The following EHMT1 variants were observed in gnomAD, a reference collection of about 807,000 sequenced individuals.
EHMT1 encodes euchromatic histone lysine methyltransferase 1.
Under a neutral mutation model 147.2 loss-of-function variants are expected in EHMT1, and 15 were observed. That is an observed-to-expected ratio of 0.10 (90% CI 0.07 to 0.16). The LOEUF is 0.16. EHMT1 is among the 10% of genes least tolerant of loss of function. EHMT1 has a pLI of 1.00. For synonymous variants in EHMT1, 795 were observed against 709.6 expected, an observed-to-expected ratio of 1.12 and a Z score of -1.91; for missense variants, 1,587 against 1,772.4, an observed-to-expected ratio of 0.90 and a Z score of 1.88.
At chr9:137,647,712 A>C (rs1054922240) in intron 1 of EHMT1, among the ~76,000 whole-genome samples, 1 of 149,924 alleles carries the variant, frequency 6.7e-6, no homozygotes, top group Non-Finnish European at 1.5e-5. Flanking sequence ...CTCCTGTCTC[A>C]GCCTTCCGAG....
chr9:137,758,656 C>T (rs1371941645), intron 9 of EHMT1, among the ~76,000 whole-genome samples: 1 of 152,168 alleles, frequency 6.6e-6, no homozygotes, highest in Admixed American at 6.5e-5. Flanking sequence ...AAATGCAAAT[C>T]TTATTTACAT....
intron 1 of EHMT1, among the ~76,000 whole-genome samples, chr9:137,663,181 G>T (rs2134109370): frequency 6.6e-6 from 1 of 152,186 alleles, no homozygotes; most frequent in Non-Finnish European, 1.5e-5. Context: ...AATTTATTTT[G>T]TTATTCATTT....
chr9:137,737,198 T>C (rs1947613976), intron 4 of EHMT1, among the ~76,000 whole-genome samples: 1 of 152,004 alleles, frequency 6.6e-6, no homozygotes, highest in South Asian at 2.1e-4. Context: ...GGTGACAGAG[T>C]GAGACACTGT....
intron 9 of EHMT1, among the ~76,000 whole-genome samples, chr9:137,761,670 G>C (rs1160851545): frequency 6.6e-6 from 1 of 152,016 alleles, no homozygotes; most frequent in South Asian, 2.1e-4. Context: ...TGTTGTCCAG[G>C]AGGGTCTCGA....
chr9:137,738,874 G>T (rs1947798537), intron 4 of EHMT1: 1 of 152,310 alleles, frequency 6.6e-6, no homozygotes, highest in Admixed American at 6.5e-5. Flanking sequence ...AGTAGAAGGG[G>T]CTGGAGTCTG....
intron 1 of EHMT1, among the ~76,000 whole-genome samples, chr9:137,708,899 G>A (rs1226346488): frequency 6.6e-6 from 1 of 152,200 alleles, no homozygotes; most frequent in African/African-American, 2.4e-5. Context: ...GAAAGCTTCG[G>A]GTTCCACGCA....
In EHMT1 at chr9:137,762,528, A is replaced by G. The variant is rs4876941; in HGVS notation, c.1502-147A>G. The G allele has an allele frequency of 0.32, 440,844 of 1,397,724 alleles. 72,078 individuals are homozygous for G. The highest frequency in any genetic ancestry group is 0.48 in the Admixed American group (24,150 of 50,692). 86.6% of individuals were successfully genotyped at this position (1,397,724 alleles called of 1,614,324 possible). A position where few individuals can be genotyped will look rare whatever the true frequency, so the allele number is the denominator to read the frequency against. On this transcript the variant is annotated intron_variant, in intron 9 of 26. Transcript: ENST00000460843. ...CCCAGGTGGTGGCCATCCCCGCCCC[A>G]CGCAGGGCTGTTTGTGCTGGGTAAT...
intron 1 of EHMT1, among the ~76,000 whole-genome samples, chr9:137,660,454 TG>T (rs1237136262): frequency 1.3e-5 from 2 of 152,116 alleles, no homozygotes; most frequent in Non-Finnish European, 1.5e-5. Flanking sequence ...TTCAAATGTG[TG>T]GGGGTTTCTG....
chr9:137,716,554 G>C, intron 2 of EHMT1, 72 bp from the exon 3 acceptor site: 1 of 1,443,138 alleles, frequency 6.9e-7, no homozygotes, highest in East Asian at 2.3e-5. Context: ...TGGTGGGGGA[G>C]GAAGTGGTGG....
At chr9:137,752,522 G>A (rs1263905336) in intron 7 of EHMT1, 114 bp downstream of exon 7, 1 of 1,252,096 alleles carries the variant, frequency 8.0e-7, no homozygotes, top group Non-Finnish European at 1.1e-6. Context: ...TCACCCATGT[G>A]CTTGGAGCTG....
Position 137,786,162 on chromosome 9 carries a change from A to C in EHMT1, c.2382+3765A>C, listed in dbSNP as rs1353425399. The C allele has an allele frequency of 6.6e-6, 1 of 152,284 alleles. No individual in the cohort carries two copies. The highest frequency in any genetic ancestry group is 1.5e-5 in the Non-Finnish European group (1 of 68,070). The allele number at this position is 152,284 out of a possible 1,614,324, so 9.4% of individuals were successfully genotyped here. On this transcript the variant is annotated intron_variant, in intron 15 of 26. Transcript: ENST00000460843. The surrounding 1 kb of genome is among the most constrained non-coding windows in gnomAD (Gnocchi z 4.3). ...CTTGTGAGTTTAGTGCCGTGAAATA[A>C]CATGATGTATTGGGAGGAAATCATT...
chr9:137,828,211 G>A lies in EHMT1; in HGVS notation c.3541-6138G>A, dbSNP rs1405398098. On this transcript the variant is annotated intron_variant, in intron 25 of 26. Coordinates refer to ENST00000460843, the MANE Select transcript of EHMT1 (RefSeq NM_024757.5). This position sits in a 1 kb window ranked among gnomAD's most constrained non-coding sequence, Gnocchi z 5.3. The stretch of plus-strand genomic sequence containing the variant: ...TGCTGGCGGGCATCAGGGAAGTCCC[G>A]GTGACAAGGGGCATCAGCAGGGGTC... 4.6e-5 allele frequency among the ~76,000 whole-genome samples: 7 copies of A among 152,038 alleles called. No homozygotes were observed. The highest frequency in any genetic ancestry group is 4.6e-4 in the Admixed American group (7 of 15,276).
intron 15 of EHMT1, among the ~76,000 whole-genome samples, chr9:137,789,773 A>G (rs994961034): frequency 6.6e-6 from 1 of 152,200 alleles, no homozygotes; most frequent in Non-Finnish European, 1.5e-5. Context: ...TTTGTTGCCC[A>G]GGCTGGAGTG....
Position 137,828,168 on chromosome 9 carries a change from C to A in EHMT1, c.3541-6181C>A, listed in dbSNP as rs1337301070. Among the ~76,000 whole-genome samples, 1 of 152,164 alleles carries A rather than the reference C, an allele frequency of 6.6e-6. No individual in the cohort carries two copies. The highest frequency in any genetic ancestry group is 1.5e-5 in the Non-Finnish European group (1 of 68,012). Reference sequence around the variant, plus strand: ...GGGCTACAGCCTGTGCTGTGACCATCCACAGGCCCCAGGGGGGTGCTGGCG... The same window carrying A: ...GGGCTACAGCCTGTGCTGTGACCATACACAGGCCCCAGGGGGGTGCTGGCG... On this transcript the variant is annotated intron_variant, in intron 25 of 26. Coordinates refer to ENST00000460843, the MANE Select transcript of EHMT1 (RefSeq NM_024757.5). This position sits in a 1 kb window ranked among gnomAD's most constrained non-coding sequence, Gnocchi z 5.3.
chr9:137,813,077 G>A lies in EHMT1; in HGVS notation c.2939G>A (p.Ser980Asn). Residue 980 changes from serine to asparagine, a missense_variant, in exon 20 of 27, where the codon AGC becomes AAC. By Grantham distance (46) the Ser-to-Asn change is conservative. Around this residue, in one of 7 missense-constraint regions of EHMT1, gnomAD observed 78 missense variants for 68.9 expected, o/e 1.13. Coordinates refer to ENST00000460843, the MANE Select transcript of EHMT1 (RefSeq NM_024757.5). This position sits in a 1 kb window ranked among gnomAD's most constrained non-coding sequence, Gnocchi z 4.9. ...KEGETPLQCA[S>N]LNSQVWSALQ... ...GGAGAGACGCCCCTGCAGTGTGCGA[G>A]CCTCAACTCTCAGGTGTGGAGCGCT... 6.2e-7 allele frequency: 1 copy of A among 1,613,840 alleles called. No individual in the cohort carries two copies. Among genetic ancestry groups the A allele is most frequent in the South Asian group, 1.1e-5 (1 of 91,086 alleles).
chr9:137,691,670 G>T (rs1942947057), intron 1 of EHMT1, among the ~76,000 whole-genome samples: 1 of 152,094 alleles, frequency 6.6e-6, no homozygotes, highest in South Asian at 2.1e-4. Flanking sequence ...ATGTGTTGAG[G>T]AACCGCCATA....
chr9:137,777,820 A>G (rs982648517), intron 12 of EHMT1, 62 bp from the exon 13 acceptor site: 18 of 1,603,290 alleles, frequency 1.1e-5, no homozygotes, highest in Non-Finnish European at 1.5e-5. Context: ...TCGGGCAGTC[A>G]GAGTCGGAAC....
At chr9:137,661,889 G>A (rs555307146) in intron 1 of EHMT1, among the ~76,000 whole-genome samples, 5 of 152,038 alleles carry the variant, frequency 3.3e-5, no homozygotes, top group East Asian at 3.9e-4. Flanking sequence ...TGCAGCCGCC[G>A]CCTCCTGAGT....
intron 1 of EHMT1, among the ~76,000 whole-genome samples, chr9:137,692,522 T>C (rs538729921): frequency 1.3e-5 from 2 of 152,202 alleles, no homozygotes; most frequent in South Asian, 2.1e-4. Context: ...CACCTCAGCC[T>C]CCCAAAGTGC....
Sources: allele counts gnomAD v4.1 joint callset (sites outside exome capture counted in the v4.1 genomes callset), GRCh38; gene constraint gnomAD v4.1.1; regional missense constraint gnomAD v4.1.1; non-coding constraint Gnocchi (gnomAD v3.1); transcripts MANE v1.5; gene names NCBI Gene and HGNC (gene_info 2026-07-23, HGNC 2026-07-21).